The following GLB1 variants were observed in gnomAD, a reference collection of about 807,000 sequenced individuals.
GLB1 encodes galactosidase beta 1, also known as beta-galactosidase.
A neutral mutation model predicts 74.0 loss-of-function variants in GLB1; 56 were observed. The ratio of observed to expected loss-of-function variants is 0.76; its 90% CI spans 0.61 to 0.94. The LOEUF is 0.94. Ranked by LOEUF, GLB1 falls within the 40% of genes least tolerant of loss-of-function variation. The pLI, the probability that GLB1 is intolerant of heterozygous loss-of-function variation, is 0.00. For missense variants in GLB1, 787 were observed against 845.5 expected (o/e 0.93, Z 0.86); for synonymous variants, 323 against 323.6 (o/e 1.00, Z 0.02).
the GLB1 span, among the ~76,000 whole-genome samples, chr3:32,974,248 TC>T: frequency 1.3e-5 from 2 of 152,144 alleles, no homozygotes; most frequent in Non-Finnish European, 2.9e-5. Context: ...TAGACTGGGT[TC>T]CTGAGAAGCA....
chr3:32,993,010 T>G (rs888993212), downstream of GLB1, among the ~76,000 whole-genome samples: 1 of 152,246 alleles, frequency 6.6e-6, no homozygotes, highest in African/African-American at 2.4e-5. Context: ...CATGTGCTGA[T>G]GGTCCACACC....
At chr3:32,979,030 G>C in the GLB1 span, among the ~76,000 whole-genome samples, 2 of 150,382 alleles carry the variant, frequency 1.3e-5, no homozygotes, top group Non-Finnish European at 3.0e-5. Context: ...AGGCTGGAGG[G>C]CAATGGCGCA....
intron 1 of GLB1, 192 bp downstream of exon 1, chr3:33,096,819 C>T: frequency 7.3e-7 from 1 of 1,364,306 alleles, no homozygotes; most frequent in Non-Finnish European, 9.4e-7. Flanking sequence ...AGGACGCGCG[C>T]CCCGCCCGGC....
At position 33,063,932 on chromosome 3, in the gene GLB1, T is replaced by C. The variant is rs185248610; in HGVS notation, c.552+1531A>G. ...GCCTCAGAACGGACACCCTGGCCAGTGCAGCCCTCTCAGCACCTCTGTCCA... is the reference window on the plus strand; with the variant it reads ...GCCTCAGAACGGACACCCTGGCCAGCGCAGCCCTCTCAGCACCTCTGTCCA... On this transcript the variant is annotated intron_variant, in intron 5 of 15. Transcript: ENST00000307363. Among the ~76,000 whole-genome samples, 854 of 152,166 alleles carry C rather than the reference T, an allele frequency of 5.6e-3. 6 individuals carry two copies. The highest frequency in any genetic ancestry group is 0.019 in the African/African-American group (803 of 41,496).
chr3:33,054,850 G>A (rs1699148923), intron 6 of GLB1, among the ~76,000 whole-genome samples: 1 of 152,134 alleles, frequency 6.6e-6, no homozygotes, highest in Non-Finnish European at 1.5e-5. Flanking sequence ...GGGGAAAGAG[G>A]AAGCATGAGC....
chr3:33,053,696 A>T (rs1699098107), intron 6 of GLB1, 147 bp from the exon 7 acceptor site: 2 of 1,069,948 alleles, frequency 1.9e-6, no homozygotes, highest in South Asian at 2.7e-5. Flanking sequence ...GGAACTTAAC[A>T]CCCAAGATGA....
the GLB1 span, among the ~76,000 whole-genome samples, chr3:32,964,290 G>A: frequency 1.3e-5 from 2 of 152,182 alleles, no homozygotes; most frequent in African/African-American, 2.4e-5. Flanking sequence ...TAAAGTGAAC[G>A]ATGGTTCACA....
chr3:33,057,219 C>G (rs1699258707), intron 6 of GLB1, among the ~76,000 whole-genome samples: 1 of 152,200 alleles, frequency 6.6e-6, no homozygotes, highest in Non-Finnish European at 1.5e-5. Flanking sequence ...CCATGTAAGA[C>G]GTGCCTGCTT....
chr3:33,000,505 T>C (rs972699280), intron 15 of GLB1, among the ~76,000 whole-genome samples: 14 of 152,094 alleles, frequency 9.2e-5, no homozygotes, highest in Non-Finnish European at 1.5e-4. Flanking sequence ...GGCGGGCAAA[T>C]CACTTGGGGT....
intron 13 of GLB1, among the ~76,000 whole-genome samples, chr3:33,018,120 C>CA (rs985533222): frequency 6.6e-6 from 1 of 150,868 alleles, no homozygotes; most frequent in South Asian, 2.1e-4. Context: ...CCTGTCTCTA[C>CA]AAAAAAAATC....
At chr3:33,065,689 T>G in intron 4 of GLB1, 132 bp from the exon 5 acceptor site, 1 of 1,076,678 alleles carries the variant, frequency 9.3e-7, no homozygotes, top group Non-Finnish European at 1.3e-6. Context: ...GTTTTCTGGC[T>G]GGGTGCGGTG....
chr3:32,974,657 G>GT, the GLB1 span, among the ~76,000 whole-genome samples: 1 of 152,170 alleles, frequency 6.6e-6, no homozygotes, highest in Admixed American at 6.6e-5. Flanking sequence ...AGCCTATGGT[G>GT]TAAGTCCAAA....
At chr3:33,034,874 C>A in intron 10 of GLB1, 1 of 484,120 alleles carries the variant, frequency 2.1e-6, no homozygotes. Context: ...TCTGCCTTAA[C>A]ATGATCAGAG....
intron 10 of GLB1, among the ~76,000 whole-genome samples, chr3:33,041,717 GA>G (rs1176042491): frequency 7.4e-5 from 11 of 149,204 alleles, no homozygotes; most frequent in South Asian, 4.2e-4. Context: ...AAATGAGGGT[GA>G]AAAAAAAATT....
intron 5 of GLB1, chr3:33,061,809 T>C (rs1699455329): frequency 6.6e-6 from 1 of 152,190 alleles, no homozygotes; most frequent in Admixed American, 6.5e-5. Context: ...CTTTTTCAGG[T>C]AGAAACTGAG....
chr3:33,095,992 A>C (rs762137088), intron 1 of GLB1, among the ~76,000 whole-genome samples: 1 of 152,174 alleles, frequency 6.6e-6, no homozygotes, highest in African/African-American at 2.4e-5. Flanking sequence ...CCAAATACTT[A>C]AGATGTTCAA....
chr3:33,008,792 G>A (rs1446181298), intron 15 of GLB1, among the ~76,000 whole-genome samples: 1 of 152,130 alleles, frequency 6.6e-6, no homozygotes, highest in East Asian at 1.9e-4. Context: ...AGGCCAAAGG[G>A]GCAAGGGGGC....
At position 32,997,180 on chromosome 3, in the gene GLB1, T is replaced by G; in HGVS notation, c.1899A>C (p.Leu633=). 6.2e-7 allele frequency: 1 copy of G among 1,614,122 alleles called. No homozygotes were observed. Among genetic ancestry groups the G allele is most frequent in the Non-Finnish European group, 8.5e-7 (1 of 1,180,020 alleles). ...WAPCSSDDPE[L]CAVTFVDRPV... ...GCCTGTCCACGAACGTCACAGCACA[T>G]AGTTCTGGATCATCACTGCTGCAGG... The change falls in exon 16 of 16, where the codon CTA becomes CTC. Residue 633 remains leucine (L), a synonymous_variant. Transcript: ENST00000307363.
chr3:33,080,947 G>A lies in GLB1; in HGVS notation c.76-8234C>T, dbSNP rs377003185. On this transcript the variant is annotated intron_variant, in intron 1 of 15. Transcript: ENST00000307363. ...AGCTGGTGCTAAGTGGGGTGGTAAC[G>A]CCTCAAAGACAAATACCAAGGCCCT... is the stretch of plus-strand genomic sequence containing the variant. Among the ~76,000 whole-genome samples, 10 of 152,308 alleles carry A rather than the reference G, an allele frequency of 6.6e-5. No homozygotes were observed. The East Asian group carries it at 1.5e-3, about 24-fold the overall frequency.
Sources: allele counts gnomAD v4.1 joint callset (sites outside exome capture counted in the v4.1 genomes callset), GRCh38; gene constraint gnomAD v4.1.1; transcripts MANE v1.5; gene names NCBI Gene and HGNC (gene_info 2026-07-23, HGNC 2026-07-21).